The following ZNF8 variants were observed in gnomAD, a reference collection of about 807,000 sequenced individuals.
ZNF8 encodes the protein zinc finger protein 272.
Under a neutral mutation model 12.2 loss-of-function variants are expected in ZNF8, and 9 were observed. That is an observed-to-expected ratio of 0.73 (90% CI 0.44 to 1.28). The LOEUF (loss-of-function observed/expected upper bound fraction) is 1.28, where lower values mean the gene tolerates loss of function less well. ZNF8 is among the 50% of genes most tolerant of loss of function. ZNF8 has a pLI of 0.00. For synonymous variants in ZNF8, 274 were observed against 282.3 expected (o/e 0.97, Z 0.30); for missense variants, 664 against 729.1 (o/e 0.91, Z 1.03).
intron 1 of ZNF8, among the ~76,000 whole-genome samples, chr19:58,281,235 T>C (rs1004001573): frequency 1.3e-5 from 2 of 152,224 alleles, no homozygotes; most frequent in African/African-American, 4.8e-5. Context: ...GGAAGGGAGA[T>C]ACTGGCAGCT....
rs2051473983 is a variant in ZNF8 at position 58,298,964 on chromosome 19, C to A, written c.*3428C>A. 1.3e-5 allele frequency: 2 copies of A among 151,124 alleles called. No homozygotes were observed. Among genetic ancestry groups the A allele is most frequent in the South Asian group, 4.2e-4 (2 of 4,816 alleles). 9.4% of individuals were successfully genotyped at this position (151,124 alleles called of 1,614,324 possible). On this transcript the variant is annotated 3_prime_UTR_variant, in exon 4 of 4. Transcript: ENST00000621650. The stretch of plus-strand genomic sequence containing the variant: ...TAGCTGGGACTGCAGGCATGCACCA[C>A]CACACTCAGCAGATTTCTTAATTGT...
intron 1 of ZNF8, 172 bp downstream of exon 1, chr19:58,279,319 G>A (rs544185313): frequency 1.3e-6 from 2 of 1,489,630 alleles, no homozygotes; most frequent in Non-Finnish European, 1.8e-6. Context: ...TGGTCAGAGA[G>A]GGGGCCGGGA....
chr19:58,292,556 G>A (rs1027417093), intron 3 of ZNF8, among the ~76,000 whole-genome samples: 5 of 152,078 alleles, frequency 3.3e-5, no homozygotes, highest in Admixed American at 2.6e-4. Flanking sequence ...TTTTGCTATC[G>A]ACATTCAGTC....
In ZNF8 at chr19:58,298,931, C is replaced by T. The variant is rs757299847; in HGVS notation, c.*3395C>T. On this transcript the variant is annotated 3_prime_UTR_variant, in exon 4 of 4. Coordinates refer to ENST00000621650, the MANE Select transcript of ZNF8 (RefSeq NM_021089.3). Reference sequence around the variant, plus strand: ...GTTCAAGCAATTCTCCTGCCTCAGCCGCCCCTGTAGCTGGGACTGCAGGCA... The same window carrying T: ...GTTCAAGCAATTCTCCTGCCTCAGCTGCCCCTGTAGCTGGGACTGCAGGCA... The T allele has an allele frequency of 1.3e-5, 2 of 151,720 alleles. No homozygotes were observed. Among genetic ancestry groups the T allele is most frequent in the African/African-American group, 2.4e-5 (1 of 41,264 alleles). 9.4% of individuals were successfully genotyped at this position (151,720 alleles called of 1,614,324 possible).
intron 1 of ZNF8, chr19:58,279,733 C>T (rs1456459304): frequency 5.9e-6 from 9 of 1,515,930 alleles, no homozygotes; most frequent in Non-Finnish European, 7.9e-6. Flanking sequence ...CAGTGCAGGG[C>T]GGTCAGTGTT....
rs542016765 is a variant in ZNF8, at chr19:58,288,820, T to C, written c.289+2615T>C. 1.4e-4 allele frequency among the ~76,000 whole-genome samples: 22 copies of C among 152,232 alleles called. No homozygotes were observed. The South Asian group carries it at 4.1e-3, about 29-fold the overall frequency. ...TATGACCTATCAACTGGGAGTCGGG[T>C]GAATCTGCTGCAGACCCTGTTTTCC... On this transcript the variant is annotated intron_variant, in intron 3 of 3. Coordinates refer to ENST00000621650, the MANE Select transcript of ZNF8 (RefSeq NM_021089.3).
At chr19:58,284,510 G>A (rs560336771) in intron 1 of ZNF8, among the ~76,000 whole-genome samples, 170 of 152,288 alleles carry the variant, frequency 1.1e-3, no homozygotes, top group South Asian at 2.5e-3. Context: ...TTTGTTTATG[G>A]GACACATTTT....
intron 3 of ZNF8, among the ~76,000 whole-genome samples, chr19:58,293,223 G>A (rs920411403): frequency 3.3e-5 from 5 of 152,184 alleles, no homozygotes; most frequent in Admixed American, 1.3e-4. Context: ...ACAGGCATGA[G>A]CCACCGGGCC....
rs184099616 is a variant in ZNF8, at chr19:58,283,800, C to T, written c.67-1917C>T. Among the ~76,000 whole-genome samples the T allele has an allele frequency of 9.3e-3, 1,415 of 151,596 alleles. 18 individuals carry two copies. Among genetic ancestry groups the T allele is most frequent in the African/African-American group, 0.031 (1,288 of 41,332 alleles). Reference sequence around the variant, plus strand: ...ATTTTTAGTAGAGACAGGGTTTCATCGTGTTAGCCAGGATGGTCTCGATCT... The same window carrying T: ...ATTTTTAGTAGAGACAGGGTTTCATTGTGTTAGCCAGGATGGTCTCGATCT... On this transcript the variant is annotated intron_variant, in intron 1 of 3. Coordinates refer to ENST00000621650, the MANE Select transcript of ZNF8 (RefSeq NM_021089.3).
Position 58,278,972 on chromosome 19 carries a change from G to C in ZNF8, c.-110G>C, listed in dbSNP as rs982070649. 3.9e-6 allele frequency: 5 copies of C among 1,285,984 alleles called. No individual in the cohort carries two copies. Among genetic ancestry groups the C allele is most frequent in the Admixed American group, 7.0e-5 (2 of 28,380 alleles). The allele number at this position is 1,285,984 out of a possible 1,614,324, so 79.7% of individuals were successfully genotyped here. Reference sequence around the variant, plus strand: ...TGGGAGTTGTAGTCGCCGCGTCGCCGGTGCGGCCGCCATTGTCCGGCGTTC... The same window carrying C: ...TGGGAGTTGTAGTCGCCGCGTCGCCCGTGCGGCCGCCATTGTCCGGCGTTC... On this transcript the variant is annotated 5_prime_UTR_variant, in exon 1 of 4. Coordinates refer to ENST00000621650, the MANE Select transcript of ZNF8 (RefSeq NM_021089.3).
rs751132305 is a variant in ZNF8, at chr19:58,294,815, C to T, written c.1007C>T (p.Thr336Ile). ...CTTACCGTCCATCGGAGGATTCACA[C>T]TGGGGAGAAGCCCTATGAGTGTCAG... Reference protein sequence around the residue: ...THLTVHRRIHTGEKPYECQDC... With the variant: ...THLTVHRRIHIGEKPYECQDC... The change falls in exon 4 of 4, where the codon ACT becomes ATT. Residue 336 changes from threonine to isoleucine, a missense_variant. Physicochemically the swap from Thr to Ile is moderately conservative, Grantham distance 89. Transcript: ENST00000621650. The surrounding 1 kb of genome is among the most constrained non-coding windows in gnomAD (Gnocchi z 5.5). 1.2e-6 allele frequency: 2 copies of T among 1,614,208 alleles called. No individual in the cohort carries two copies. Among genetic ancestry groups the T allele is most frequent in the South Asian group, 1.1e-5 (1 of 91,084 alleles).
rs1367328738 is a variant in ZNF8, at chr19:58,294,390, C to G, written c.582C>G (p.Ile194Met). The change falls in exon 4 of 4, where the codon ATC (isoleucine) becomes ATG (methionine). Residue 194 changes from isoleucine (I) to methionine (M), a missense_variant. Transcript: ENST00000621650. The surrounding 1 kb of genome is among the most constrained non-coding windows in gnomAD (Gnocchi z 5.5). ...CAAGCCCAAATCCATTCCCAGAGATCTCTAGAGGGGAGTATTTGTATACTT... is the reference window on the plus strand; with the variant it reads ...CAAGCCCAAATCCATTCCCAGAGATGTCTAGAGGGGAGTATTTGTATACTT... ...LSSSPNPFPE[I>M]SRGEYLYTYD... 1 of 1,614,088 alleles carries G rather than the reference C, an allele frequency of 6.2e-7. No homozygotes were observed. Among genetic ancestry groups the G allele is most frequent in the Admixed American group, 1.7e-5 (1 of 60,018 alleles).
Position 58,279,065 on chromosome 19 carries a change from TC to T in ZNF8, c.-16del, listed in dbSNP as rs780419739. 7.5e-6 allele frequency: 11 copies of T among 1,474,890 alleles called. No individual in the cohort carries two copies. Among genetic ancestry groups the T allele is most frequent in the Admixed American group, 4.6e-5 (2 of 43,240 alleles). The allele number at this position is 1,474,890 out of a possible 1,614,324, so 91.4% of individuals were successfully genotyped here. On this transcript the variant is annotated 5_prime_UTR_variant, in exon 1 of 4. Transcript: ENST00000621650. ...TGGGGATCACCTCAGGCGCTGTCCT[TC>T]ACTGGGCGATCCAGCATGGACCCCG...
chr19:58,294,647 C>A lies in ZNF8; in HGVS notation c.839C>A (p.Thr280Lys). 6.2e-7 allele frequency: 1 copy of A among 1,614,134 alleles called. No homozygotes were observed. Among genetic ancestry groups the A allele is most frequent in the Non-Finnish European group, 8.5e-7 (1 of 1,180,040 alleles). ...CTCACCGTGCACAAGAGGATTCATA[C>A]GGGAGAAAGACCTTATATGTGCAAG... ...AHLTVHKRIH[T>K]GERPYMCKEC... The change falls in exon 4 of 4, where the codon ACG becomes AAG. Residue 280 changes from threonine (T) to lysine (K), a missense_variant. Transcript: ENST00000621650. The surrounding 1 kb of genome is among the most constrained non-coding windows in gnomAD (Gnocchi z 5.5).
At chr19:58,291,146 C>T (rs2051417129) in intron 3 of ZNF8, among the ~76,000 whole-genome samples, 2 of 152,200 alleles carry the variant, frequency 1.3e-5, no homozygotes, top group African/African-American at 2.4e-5. Context: ...CTCCTTGGCC[C>T]CTGTCACTCG....
At chr19:58,288,157 G>A (rs1469884104) in intron 3 of ZNF8, among the ~76,000 whole-genome samples, 1 of 151,708 alleles carries the variant, frequency 6.6e-6, no homozygotes, top group Non-Finnish European at 1.5e-5. Flanking sequence ...ACTGTACCTG[G>A]TCACATGTCT....
chr19:58,292,356 C>T (rs568470875), intron 3 of ZNF8, among the ~76,000 whole-genome samples: 1 of 152,280 alleles, frequency 6.6e-6, no homozygotes, highest in East Asian at 1.9e-4. Context: ...AGGGCCCCTT[C>T]CTCAATTGCA....
At position 58,295,385 on chromosome 19, in the gene ZNF8, G is replaced by C; in HGVS notation, c.1577G>C (p.Gly526Ala). The change falls in exon 4 of 4, where the codon GGC (glycine) becomes GCC (alanine). Residue 526 changes from glycine (G) to alanine (A), a missense_variant. Around this residue, in one of 3 missense-constraint regions of ZNF8, gnomAD observed 225 missense variants for 222.0 expected, o/e 1.01. Transcript: ENST00000621650. ...CCGAACTCCAGAAAGAGCTCTGCAG[G>C]CGGAGCAAAGGCAGGGCAGCCGGAA... is the stretch of plus-strand genomic sequence containing the variant. ...QHPNSRKSSA[G>A]GAKAGQPESR... 1 of 1,614,168 alleles carries C rather than the reference G, an allele frequency of 6.2e-7. No homozygotes were observed. The highest frequency in any genetic ancestry group is 8.5e-7 in the Non-Finnish European group (1 of 1,180,016).
At chr19:58,284,227 GAA>G (rs138263019) in intron 1 of ZNF8, among the ~76,000 whole-genome samples, 1 of 149,408 alleles carries the variant, frequency 6.7e-6, no homozygotes, top group Non-Finnish European at 1.5e-5. Flanking sequence ...CCCATCTCGA[GAA>G]AAAAAAAATA....
Sources: allele counts gnomAD v4.1 joint callset (sites outside exome capture counted in the v4.1 genomes callset), GRCh38; gene constraint gnomAD v4.1.1; regional missense constraint gnomAD v4.1.1; non-coding constraint Gnocchi (gnomAD v3.1); transcripts MANE v1.5; gene names NCBI Gene and HGNC (gene_info 2026-07-23, HGNC 2026-07-21).